MYB: variants seen among roughly 807,000 people sequenced by gnomAD.
MYB encodes MYB proto-oncogene, transcription factor.
A neutral mutation model predicts 92.9 loss-of-function variants in MYB; 28 were observed. The ratio of observed to expected loss-of-function variants is 0.30; its 90% CI spans 0.22 to 0.41. MYB has a LOEUF of 0.41. MYB is among the 10% of genes least tolerant of loss of function. The pLI is 1.00. For synonymous variants in MYB, 295 were observed against 329.1 expected (o/e 0.90, Z 1.12); for missense variants, 679 against 929.3 (o/e 0.73, Z 3.50).
chr6:135,195,493 C>A, intron 8 of MYB: 2 of 489,944 alleles, frequency 4.1e-6, no homozygotes, highest in Non-Finnish European at 7.2e-6. Flanking sequence ...GAAATATAGA[C>A]CTATGATTTG....
intron 15 of MYB, among the ~76,000 whole-genome samples, chr6:135,205,892 A>C (rs1393769214): frequency 3.9e-5 from 6 of 152,172 alleles, no homozygotes; most frequent in African/African-American, 1.4e-4. Flanking sequence ...CAACATAGTG[A>C]GACTCAGTCT....
At chr6:135,194,897 G>A in intron 8 of MYB, 1 of 1,254,724 alleles carries the variant, frequency 8.0e-7, no homozygotes, top group African/African-American at 1.5e-5. Flanking sequence ...CATGTAAAAG[G>A]TTATATATAA....
rs751072359 is a variant in MYB at position 135,217,928 on chromosome 6, G to C, written c.2234G>C (p.Ser745Thr). ...GKMEEQMTSSSQARKYVNAFS... is the reference protein window; with the variant it reads ...GKMEEQMTSSTQARKYVNAFS... ...ATGGAGGAGCAGATGACATCTTCCA[G>C]TCAAGCTCGTAAATACGTGAATGCA... Residue 745 changes from serine to threonine, a missense_variant, in exon 16 of 16, where the codon AGT (serine) becomes ACT (threonine). Physicochemically the swap from Ser to Thr is moderately conservative, Grantham distance 58. Coordinates refer to ENST00000341911, the MANE Select transcript of MYB (RefSeq NM_001130173.2). The C allele has an allele frequency of 1.9e-6, 3 of 1,613,380 alleles. No individual in the cohort carries two copies. Among genetic ancestry groups the C allele is most frequent in the Non-Finnish European group, 2.5e-6 (3 of 1,179,662 alleles).
chr6:135,214,589 T>A (rs999306309), intron 15 of MYB, among the ~76,000 whole-genome samples: 1 of 152,258 alleles, frequency 6.6e-6, no homozygotes, highest in Non-Finnish European at 1.5e-5. Context: ...ATCCAAGTCC[T>A]TGGCTCCATG....
chr6:135,217,918 AC>A lies in MYB; in HGVS notation c.2225del (p.Thr742AsnfsTer10), dbSNP rs1167404655. On this transcript the variant is annotated frameshift_variant, in exon 16 of 16. Coordinates refer to ENST00000341911, the MANE Select transcript of MYB (RefSeq NM_001130173.2). LOFTEE classifies it high-confidence loss of function. ...CTGTGGAAAGATGGAGGAGCAGATGACATCTTCCAGTCAAGCTCGTAAATAC... is the reference window on the plus strand; with the variant it reads ...CTGTGGAAAGATGGAGGAGCAGATGAATCTTCCAGTCAAGCTCGTAAATAC... ...ASCGKMEEQM[T>X]SSSQARKYVN... 5 of 1,613,636 alleles carry A rather than the reference AC, an allele frequency of 3.1e-6. No homozygotes were observed. The highest frequency in any genetic ancestry group is 4.2e-6 in the Non-Finnish European group (5 of 1,179,696).
At chr6:135,188,515 TTTTTTG>T (rs1287750077) in intron 3 of MYB, among the ~76,000 whole-genome samples, 7 of 148,886 alleles carry the variant, frequency 4.7e-5, no homozygotes, top group Non-Finnish European at 1.0e-4. Context: ...TTGTTTTTTG[TTTTTTG>T]TTTTTTGAGA....
intron 5 of MYB, 39 bp from the exon 6 acceptor site, chr6:135,192,285 T>C (rs761562027): frequency 6.9e-5 from 106 of 1,542,006 alleles, no homozygotes; most frequent in Non-Finnish European, 9.2e-5. Context: ...TGAATTGAAA[T>C]TTTTGTTTGT....
At position 135,218,075 on chromosome 6, in the gene MYB, G is replaced by A. The variant is rs941953392; in HGVS notation, c.*95G>A. 31 of 987,152 alleles carry A rather than the reference G, an allele frequency of 3.1e-5. No individual in the cohort carries two copies. The African/African-American group carries it at 4.0e-4, about 13-fold the overall frequency. The allele number at this position is 987,152 out of a possible 1,614,324, so 61.1% of individuals were successfully genotyped here. ...ATGAAACTTTTCATGAATGGGAGAA[G>A]AACCTATTTTTGTTGTGGTACAACA... On this transcript the variant is annotated 3_prime_UTR_variant, in exon 16 of 16. Coordinates refer to ENST00000341911, the MANE Select transcript of MYB (RefSeq NM_001130173.2).
intron 2 of MYB, among the ~76,000 whole-genome samples, chr6:135,187,209 G>A (rs1297250349): frequency 6.6e-6 from 1 of 152,130 alleles, no homozygotes; most frequent in African/African-American, 2.4e-5. Flanking sequence ...AATGTTTAAT[G>A]TCTTTTATGT....
rs578057455 is a variant in MYB at position 135,182,270 on chromosome 6, A to G, written c.23+734A>G. Among the ~76,000 whole-genome samples, 35 of 152,250 alleles carry G rather than the reference A, an allele frequency of 2.3e-4. No individual in the cohort carries two copies. The highest frequency in any genetic ancestry group is 8.4e-4 in the African/African-American group (35 of 41,550). ...GGGAAGATGGGTGCAGTCCCTTCAC[A>G]TTTTTGGCCGGACAGATGGGAAGAG... On this transcript the variant is annotated intron_variant, in intron 1 of 15. Transcript: ENST00000341911. This position sits in a 1 kb window ranked among gnomAD's most constrained non-coding sequence, Gnocchi z 5.6.
intron 1 of MYB, among the ~76,000 whole-genome samples, chr6:135,183,983 T>A (rs928644093): frequency 6.6e-6 from 1 of 152,166 alleles, no homozygotes; most frequent in Non-Finnish European, 1.5e-5. Context: ...AACCTTTGCC[T>A]CCAGAACCCT....
chr6:135,200,684 G>A (rs2128302843), intron 13 of MYB: 1 of 464,000 alleles, frequency 2.2e-6, no homozygotes, highest in East Asian at 4.4e-5. Flanking sequence ...GGTTTTTAAT[G>A]TACTTTTAAA....
chr6:135,200,281 T>A lies in MYB; in HGVS notation c.1825-9T>A. ...TCTCTGATGCAAAAATACCCACTCTTCCGTTTAGCCTCAGACACCCTCTCA... is the reference window on the plus strand; with the variant it reads ...TCTCTGATGCAAAAATACCCACTCTACCGTTTAGCCTCAGACACCCTCTCA... On this transcript the variant is annotated splice_polypyrimidine_tract_variant and intron_variant, in intron 12 of 15. Transcript: ENST00000341911. 1 of 1,613,956 alleles carries A rather than the reference T, an allele frequency of 6.2e-7. No individual in the cohort carries two copies. Among genetic ancestry groups the A allele is most frequent in the South Asian group, 1.1e-5 (1 of 91,080 alleles).
In MYB at chr6:135,181,855, G is replaced by C. The variant is rs1775100208; in HGVS notation, c.23+319G>C. 6.6e-6 allele frequency among the ~76,000 whole-genome samples: 1 copy of C among 152,336 alleles called. No individual in the cohort carries two copies. The highest frequency in any genetic ancestry group is 2.4e-5 in the African/African-American group (1 of 41,592). On this transcript the variant is annotated intron_variant, in intron 1 of 15. Transcript: ENST00000341911. This position sits in a 1 kb window ranked among gnomAD's most constrained non-coding sequence, Gnocchi z 5.3. ...GGGCAGAGCGGTGCCCACCAGCCCCGGGGAGCCCACCAGGTGCCTGGCTTG... is the reference window on the plus strand; with the variant it reads ...GGGCAGAGCGGTGCCCACCAGCCCCCGGGAGCCCACCAGGTGCCTGGCTTG...
intron 13 of MYB, 61 bp from the exon 14 acceptor site, chr6:135,201,578 T>G: frequency 8.8e-7 from 1 of 1,138,508 alleles, no homozygotes; most frequent in Non-Finnish European, 1.3e-6. Context: ...AATATACTCC[T>G]GACTGTACAT....
At chr6:135,197,352 C>T (rs1777476672) in intron 10 of MYB, 29 bp downstream of exon 10, 3 of 1,533,406 alleles carry the variant, frequency 2.0e-6, no homozygotes, top group African/African-American at 2.8e-5. Context: ...ACAGCTGTTA[C>T]TCATTTTCAA....
At chr6:135,183,326 A>G (rs1489353153) in intron 1 of MYB, among the ~76,000 whole-genome samples, 1 of 152,106 alleles carries the variant, frequency 6.6e-6, no homozygotes, top group African/African-American at 2.4e-5. Flanking sequence ...CCTCCGAATC[A>G]CAGTAGCGGC....
rs540753915 is a variant in MYB, at chr6:135,182,495, G to A, written c.23+959G>A. Among the ~76,000 whole-genome samples, 46 of 152,318 alleles carry A rather than the reference G, an allele frequency of 3.0e-4. No homozygotes were observed. Among genetic ancestry groups the A allele is most frequent in the African/African-American group, 1.1e-3 (44 of 41,580 alleles). The stretch of plus-strand genomic sequence containing the variant: ...CGGCAGCACCCAAGGCCGCTGCCGC[G>A]CAACCGGGACGCGATCCCCGCGGGC... On this transcript the variant is annotated intron_variant, in intron 1 of 15. Transcript: ENST00000341911. This position sits in a 1 kb window ranked among gnomAD's most constrained non-coding sequence, Gnocchi z 5.6.
At chr6:135,201,018 G>T (rs189415579) in intron 13 of MYB, among the ~76,000 whole-genome samples, 3 of 152,260 alleles carry the variant, frequency 2.0e-5, no homozygotes, top group Admixed American at 6.5e-5. Context: ...GGCAGATCTT[G>T]CAGTGAGCCA....
Sources: allele counts gnomAD v4.1 joint callset (sites outside exome capture counted in the v4.1 genomes callset), GRCh38; gene constraint gnomAD v4.1.1; non-coding constraint Gnocchi (gnomAD v3.1); transcripts MANE v1.5; gene names NCBI Gene and HGNC (gene_info 2026-07-23, HGNC 2026-07-21).